CFAP299: variants seen among roughly 807,000 people sequenced by gnomAD.
CFAP299 encodes the protein cilia- and flagella-associated protein 299.
In CFAP299, 21 loss-of-function variants were observed where a neutral mutation model predicts 27.0. The ratio of observed to expected loss-of-function variants is 0.78; its 90% CI spans 0.55 to 1.12. The LOEUF is 1.12. Among genes scored for constraint, CFAP299 ranks in the 50% most tolerant of loss-of-function variants. The pLI is 0.00. For synonymous variants in CFAP299, 104 were observed against 98.1 expected, an observed-to-expected ratio of 1.06 and a Z score of -0.36; for missense variants, 310 against 276.6, an observed-to-expected ratio of 1.12 and a Z score of -0.86.
intron 3 of CFAP299, among the ~76,000 whole-genome samples, chr4:80,625,094 C>G (rs1196778187): frequency 6.6e-6 from 1 of 152,070 alleles, no homozygotes; most frequent in African/African-American, 2.4e-5. Flanking sequence ...ATTCAAAACA[C>G]TCTGATACTG....
At chr4:80,401,102 G>T (rs1433777501) in intron 2 of CFAP299, among the ~76,000 whole-genome samples, 1 of 152,140 alleles carries the variant, frequency 6.6e-6, no homozygotes, top group Non-Finnish European at 1.5e-5. Flanking sequence ...GGTTACTTGG[G>T]TACTATTAAA....
At chr4:80,836,273 T>C (rs1730555559) in intron 3 of CFAP299, among the ~76,000 whole-genome samples, 1 of 152,218 alleles carries the variant, frequency 6.6e-6, no homozygotes, top group Non-Finnish European at 1.5e-5. Flanking sequence ...TTGCTTTCTA[T>C]GCTGCTTATA....
chr4:80,342,857 T>A (rs1368532987), intron 1 of CFAP299, among the ~76,000 whole-genome samples: 1 of 152,086 alleles, frequency 6.6e-6, no homozygotes. Flanking sequence ...GGCTAAATGC[T>A]CCAATTAAAA....
intron 2 of CFAP299, among the ~76,000 whole-genome samples, chr4:80,571,567 G>T (rs1172361284): frequency 6.6e-6 from 1 of 151,688 alleles, no homozygotes; most frequent in African/African-American, 2.4e-5. Context: ...TCCAAAATGA[G>T]AAACAGCATA....
chr4:80,522,292 TA>T (rs1732959627), intron 2 of CFAP299, among the ~76,000 whole-genome samples: 1 of 152,106 alleles, frequency 6.6e-6, no homozygotes, highest in South Asian at 2.1e-4. Flanking sequence ...GTTAATCATT[TA>T]TATGTCTTCT....
At chr4:80,456,819 A>C (rs1272795522) in intron 2 of CFAP299, among the ~76,000 whole-genome samples, 1 of 152,166 alleles carries the variant, frequency 6.6e-6, no homozygotes, top group Non-Finnish European at 1.5e-5. Context: ...AAAGAGTTCC[A>C]AGGAATGAGT....
intron 4 of CFAP299, among the ~76,000 whole-genome samples, chr4:80,907,248 C>T (rs1214419274): frequency 6.6e-6 from 1 of 152,182 alleles, no homozygotes; most frequent in African/African-American, 2.4e-5. Context: ...GCCTAGACTT[C>T]ATTGTCCATA....
At chr4:80,767,610 A>G (rs1204684930) in intron 3 of CFAP299, among the ~76,000 whole-genome samples, 2 of 152,188 alleles carry the variant, frequency 1.3e-5, no homozygotes, top group Non-Finnish European at 2.9e-5. Flanking sequence ...CTCCGTCTCA[A>G]AAAAATTAAA....
chr4:80,401,270 CGT>C (rs1450667788), intron 2 of CFAP299, among the ~76,000 whole-genome samples: 1 of 152,148 alleles, frequency 6.6e-6, no homozygotes, highest in Non-Finnish European at 1.5e-5. Flanking sequence ...TCCCCAACAC[CGT>C]GGGGAAGATG....
At chr4:80,628,292 A>G (rs1460656346) in intron 3 of CFAP299, among the ~76,000 whole-genome samples, 1 of 152,130 alleles carries the variant, frequency 6.6e-6, no homozygotes, top group Non-Finnish European at 1.5e-5. Context: ...GCAGAAAAAT[A>G]AAATTAGAAT....
At chr4:80,494,669 G>A (rs1288780468) in intron 2 of CFAP299, among the ~76,000 whole-genome samples, 4 of 152,002 alleles carry the variant, frequency 2.6e-5, no homozygotes, top group Non-Finnish European at 4.4e-5. Flanking sequence ...TCTGTGGCAC[G>A]TTCTATAGGT....
intron 3 of CFAP299, among the ~76,000 whole-genome samples, chr4:80,816,264 T>C (rs1729416389): frequency 6.6e-6 from 1 of 152,120 alleles, no homozygotes; most frequent in Admixed American, 6.6e-5. Context: ...CTTCCAAATC[T>C]AGAGCCAATA....
At chr4:80,738,030 A>G (rs1253390178) in intron 3 of CFAP299, among the ~76,000 whole-genome samples, 1 of 152,078 alleles carries the variant, frequency 6.6e-6, no homozygotes, top group Non-Finnish European at 1.5e-5. Flanking sequence ...GTGTGTTTGT[A>G]TAGTTTTCAA....
chr4:80,483,655 C>A (rs1250598334), intron 2 of CFAP299, among the ~76,000 whole-genome samples: 1 of 151,946 alleles, frequency 6.6e-6, no homozygotes, highest in African/African-American at 2.4e-5. Flanking sequence ...ACAGCCAGTT[C>A]TAAAGGGTAT....
intron 3 of CFAP299, among the ~76,000 whole-genome samples, chr4:80,675,433 A>C (rs1016599671): frequency 1.3e-5 from 2 of 152,060 alleles, no homozygotes; most frequent in African/African-American, 4.8e-5. Context: ...CCAGAGGGGC[A>C]CCCACTTGTA....
rs549228340 is a variant in CFAP299, at chr4:80,564,044, T to C, written c.243-19049T>C. Among the ~76,000 whole-genome samples, 8 of 151,958 alleles carry C rather than the reference T, an allele frequency of 5.3e-5. No individual in the cohort carries two copies. In the South Asian group the frequency reaches 1.7e-3, roughly 32 times the overall value. On this transcript the variant is annotated intron_variant, in intron 2 of 5. Coordinates refer to ENST00000358105, the MANE Select transcript of CFAP299 (RefSeq NM_152770.3). The stretch of plus-strand genomic sequence containing the variant: ...ATGAGATCAGAGCTGTAATAAAAAA[T>C]CTCCTAGTAAAGAAAAGCCTGGGAC...
intron 2 of CFAP299, among the ~76,000 whole-genome samples, chr4:80,471,510 C>G (rs1729990852): frequency 6.8e-6 from 1 of 146,770 alleles, no homozygotes; most frequent in African/African-American, 2.5e-5. Context: ...TGCTAAATGC[C>G]AGCAAATGAG....
intron 2 of CFAP299, among the ~76,000 whole-genome samples, chr4:80,374,667 C>T (rs1271415219): frequency 6.6e-6 from 1 of 152,162 alleles, no homozygotes; most frequent in Non-Finnish European, 1.5e-5. Flanking sequence ...GAACATTTGA[C>T]TGCCTTTGGA....
At chr4:80,610,148 G>T (rs1296672077) in intron 3 of CFAP299, among the ~76,000 whole-genome samples, 1 of 151,568 alleles carries the variant, frequency 6.6e-6, no homozygotes, top group Admixed American at 6.6e-5. Context: ...GTTCCTCCTT[G>T]TGTCTCTTCT....
Sources: allele counts gnomAD v4.1 joint callset (sites outside exome capture counted in the v4.1 genomes callset), GRCh38; gene constraint gnomAD v4.1.1; transcripts MANE v1.5; gene names NCBI Gene and HGNC (gene_info 2026-07-23, HGNC 2026-07-21).